The following IQGAP1 variants were observed in gnomAD, a reference collection of about 807,000 sequenced individuals.
The protein encoded by IQGAP1 is ras GTPase-activating-like protein IQGAP1.
A neutral mutation model predicts 215.6 loss-of-function variants in IQGAP1; 66 were observed. That is an observed-to-expected ratio of 0.31 (90% CI 0.25 to 0.38). IQGAP1 has a LOEUF of 0.38. Among genes scored for constraint, IQGAP1 ranks in the 10% least tolerant of loss-of-function variants. IQGAP1 has a pLI of 1.00. For synonymous variants in IQGAP1, 772 were observed against 728.7 expected, an observed-to-expected ratio of 1.06 and a Z score of -0.96; for missense variants, 1,712 against 1,997.1, an observed-to-expected ratio of 0.86 and a Z score of 2.72.
chr15:90,404,439 T>C (rs933869859), intron 2 of IQGAP1, among the ~76,000 whole-genome samples: 1 of 152,204 alleles, frequency 6.6e-6, no homozygotes, highest in Non-Finnish European at 1.5e-5. Context: ...TAAAAGCCAT[T>C]TGTATGTTCT....
intron 15 of IQGAP1, 79 bp downstream of exon 15, chr15:90,456,394 C>T: frequency 7.1e-7 from 1 of 1,415,022 alleles, no homozygotes; most frequent in Non-Finnish European, 9.7e-7. Flanking sequence ...GGAATATCTT[C>T]CTTGATTCAT....
intron 18 of IQGAP1, among the ~76,000 whole-genome samples, chr15:90,468,724 G>A (rs1044004151): frequency 1.3e-5 from 2 of 152,102 alleles, no homozygotes; most frequent in African/African-American, 4.8e-5. Context: ...CCAGCTACTT[G>A]GGAGGATGAG....
chr15:90,392,746 A>G (rs1249880961), intron 2 of IQGAP1, among the ~76,000 whole-genome samples: 1 of 91,834 alleles, frequency 1.1e-5, no homozygotes, highest in African/African-American at 5.9e-5. Flanking sequence ...GAATGTTTCT[A>G]TCTTTTTTTT....
At chr15:90,446,713 G>A (rs1211407033) in intron 9 of IQGAP1, among the ~76,000 whole-genome samples, 8 of 152,144 alleles carry the variant, frequency 5.3e-5, no homozygotes, top group Non-Finnish European at 1.2e-4. Flanking sequence ...TAGAGCATTC[G>A]AAACAGCAAT....
intron 37 of IQGAP1, among the ~76,000 whole-genome samples, chr15:90,499,125 C>T (rs370115703): frequency 6.6e-6 from 1 of 152,134 alleles, no homozygotes; most frequent in East Asian, 1.9e-4. Flanking sequence ...CTTGTGGGGT[C>T]CTTTCAAGAC....
intron 32 of IQGAP1, 62 bp from the exon 33 acceptor site, chr15:90,487,433 G>C: frequency 8.4e-7 from 1 of 1,195,654 alleles, no homozygotes; most frequent in Non-Finnish European, 1.2e-6. Context: ...CTGCTGCTTC[G>C]GTCCACTTGA....
At chr15:90,461,042 C>T (rs1460487545) in intron 15 of IQGAP1, among the ~76,000 whole-genome samples, 1 of 148,628 alleles carries the variant, frequency 6.7e-6, no homozygotes, top group Non-Finnish European at 1.5e-5. Context: ...CGCAGTGCCT[C>T]ATCCCTGTAA....
rs1966283114 is a variant in IQGAP1, at chr15:90,497,042, C to G, written c.4752-190C>G. On this transcript the variant is annotated intron_variant, in intron 36 of 37. Coordinates refer to ENST00000268182, the MANE Select transcript of IQGAP1 (RefSeq NM_003870.4). ...CAGAGAGAGGTTGCCATTCCTCTCTCCAAGTCCCAGAGCAGATGGTACTTG... is the reference window on the plus strand; with the variant it reads ...CAGAGAGAGGTTGCCATTCCTCTCTGCAAGTCCCAGAGCAGATGGTACTTG... The G allele has an allele frequency of 2.5e-5, 12 of 480,218 alleles. 1 individual carries two copies. In the South Asian group the frequency reaches 3.6e-4, roughly 14 times the overall value. The allele number at this position is 480,218 out of a possible 1,614,324, so 29.7% of individuals were successfully genotyped here. A position where few individuals can be genotyped will look rare whatever the true frequency, so the allele number is the denominator to read the frequency against.
chr15:90,453,090 T>A (rs745466947), intron 12 of IQGAP1, 42 bp from the exon 13 acceptor site: 1 of 1,573,122 alleles, frequency 6.4e-7, no homozygotes. Flanking sequence ...TCTTGGAGAA[T>A]GTCTTTCCTC....
At chr15:90,483,141 G>T (rs761891158) in intron 28 of IQGAP1, 6 of 497,156 alleles carry the variant, frequency 1.2e-5, no homozygotes, top group South Asian at 9.5e-5. Context: ...TTTCAGTTCT[G>T]TTCTCATTGT....
chr15:90,494,684 T>C lies in IQGAP1; in HGVS notation c.4629-29T>C, dbSNP rs753416276. 5.3e-5 allele frequency: 84 copies of C among 1,581,330 alleles called. 2 individuals are homozygous for C. In the South Asian group the frequency reaches 6.3e-4, roughly 12 times the overall value. ...AAGATTCAGAGTAGATGGTTACTTA[T>C]AGAAAGTGACATGATGTGATTTTTA... On this transcript the variant is annotated intron_variant, in intron 35 of 37. Coordinates refer to ENST00000268182, the MANE Select transcript of IQGAP1 (RefSeq NM_003870.4).
chr15:90,484,303 C>A lies in IQGAP1; in HGVS notation c.3872C>A (p.Thr1291Asn). Residue 1291 changes from threonine (T) to asparagine (N), a missense_variant, in exon 30 of 38, where the codon ACC becomes AAC. By Grantham distance (65) the Thr-to-Asn change is moderately conservative. Coordinates refer to ENST00000268182, the MANE Select transcript of IQGAP1 (RefSeq NM_003870.4). ...VDEYSDLVTL[T>N]KPVIYISIGE... ...GAGTACTCTGATTTAGTAACCCTCA[C>A]CAAACCAGTAATCTACATTTCCATT... is the stretch of plus-strand genomic sequence containing the variant. 6.2e-7 allele frequency: 1 copy of A among 1,612,688 alleles called. No individual in the cohort carries two copies.
At chr15:90,467,130 G>A (rs1284615645) in intron 17 of IQGAP1, among the ~76,000 whole-genome samples, 1 of 152,010 alleles carries the variant, frequency 6.6e-6, no homozygotes, top group Non-Finnish European at 1.5e-5. Context: ...AAACTGGAGA[G>A]GCTGAATGGT....
Position 90,388,415 on chromosome 15 carries a change from G to C in IQGAP1, c.55+19G>C. The C allele has an allele frequency of 6.4e-7, 1 of 1,564,322 alleles. No individual in the cohort carries two copies. The highest frequency in any genetic ancestry group is 8.6e-7 in the Non-Finnish European group (1 of 1,159,796). ...TATGGCTGTGAGTGCGGGGCTCCGC[G>C]GCGCGGGGGCTTCGGGCTGGGCTAA... On this transcript the variant is annotated intron_variant, in intron 1 of 37. Transcript: ENST00000268182.
chr15:90,459,657 C>CAT (rs1369491339), intron 15 of IQGAP1, among the ~76,000 whole-genome samples: 3 of 152,160 alleles, frequency 2.0e-5, no homozygotes, highest in African/African-American at 7.2e-5. Flanking sequence ...GTGAACTACA[C>CAT]ATTGGGTGGA....
rs574663376 is a variant in IQGAP1, at chr15:90,430,810, G to A, written c.390+1144G>A. On this transcript the variant is annotated intron_variant, in intron 4 of 37. Transcript: ENST00000268182. ...AGTGAGGTGTAGGGTATCAGAAGGT[G>A]GCTAAAACCATTTTATATTTTGTAT... 6.1e-4 allele frequency among the ~76,000 whole-genome samples: 93 copies of A among 151,348 alleles called. 1 individual carries two copies. Among genetic ancestry groups the A allele is most frequent in the African/African-American group, 2.2e-3 (89 of 41,360 alleles).
chr15:90,389,838 T>C (rs1964609436), intron 1 of IQGAP1, among the ~76,000 whole-genome samples: 1 of 149,504 alleles, frequency 6.7e-6, no homozygotes, highest in African/African-American at 2.5e-5. Flanking sequence ...ATGCCTGTGG[T>C]CCCAGCTGCT....
In IQGAP1 at chr15:90,426,137, T is replaced by G. The variant is rs1434493898; in HGVS notation, c.183T>G (p.Asp61Glu). 2 of 1,606,340 alleles carry G rather than the reference T, an allele frequency of 1.2e-6. No individual in the cohort carries two copies. Among genetic ancestry groups the G allele is most frequent in the African/African-American group, 1.3e-5 (1 of 74,184 alleles). Residue 61 changes from aspartate to glutamate, a missense_variant, in exon 3 of 38, where the codon GAT becomes GAG. Coordinates refer to ENST00000268182, the MANE Select transcript of IQGAP1 (RefSeq NM_003870.4). ...GGATGGAAGCATGCCTAGGGGAAGATCTGCCTCCCACCACAGAACTGGAGG... is the reference window on the plus strand; with the variant it reads ...GGATGGAAGCATGCCTAGGGGAAGAGCTGCCTCCCACCACAGAACTGGAGG... ...KRWMEACLGEDLPPTTELEEG... is the reference protein window; with the variant it reads ...KRWMEACLGEELPPTTELEEG...
At chr15:90,475,460 T>C (rs1384951399) in intron 23 of IQGAP1, among the ~76,000 whole-genome samples, 2 of 151,964 alleles carry the variant, frequency 1.3e-5, no homozygotes, top group Non-Finnish European at 1.5e-5. Context: ...AAAAAAGTTA[T>C]GTAAGACAGG....
Sources: gnomAD v4.1 joint callset for allele counts (sites outside exome capture counted in the v4.1 genomes callset) on GRCh38, gnomAD v4.1.1 for gene constraint, MANE v1.5 for transcripts, NCBI Gene and HGNC (gene_info 2026-07-23, HGNC 2026-07-21) for gene names.